Variants in ANO1 observed in about 807,000 individuals in gnomAD.
ANO1 encodes the protein anoctamin 1, also known as anoctamin-1.
In ANO1, 59 loss-of-function variants were observed where a neutral mutation model predicts 124.0. That is an observed-to-expected ratio of 0.48 (90% CI 0.39 to 0.59). The LOEUF (loss-of-function observed/expected upper bound fraction) is 0.59, where lower values mean the gene tolerates loss of function less well. ANO1 is among the 20% of genes least tolerant of loss of function. The pLI is 0.00. For missense variants in ANO1, 1,059 were observed against 1,328.0 expected, an observed-to-expected ratio of 0.80 and a Z score of 3.15; for synonymous variants, 529 against 532.0, an observed-to-expected ratio of 0.99 and a Z score of 0.08.
chr11:69,989,962 T>A (rs1293515628), intron 1 of ANO1, among the ~76,000 whole-genome samples: 1 of 152,236 alleles, frequency 6.6e-6, no homozygotes, highest in Non-Finnish European at 1.5e-5. Flanking sequence ...CTTGTTGTTT[T>A]GTTTTGTTTA....
the ANO1 span, among the ~76,000 whole-genome samples, chr11:69,973,870 TAA>T: frequency 2.1e-5 from 3 of 139,610 alleles, no homozygotes; most frequent in Non-Finnish European, 1.6e-5. Context: ...AGACTCCGTC[TAA>T]AAAAAAAAAA....
intron 11 of ANO1, among the ~76,000 whole-genome samples, chr11:70,140,004 T>C (rs753520959): frequency 3.2e-4 from 48 of 152,332 alleles, no homozygotes; most frequent in Middle Eastern, 3.4e-3. Flanking sequence ...TCCTTCCCTT[T>C]GGGAGCTGCG....
intron 9 of ANO1, 42 bp downstream of exon 9, chr11:70,124,456 C>T (rs376609862): frequency 1.1e-4 from 177 of 1,585,380 alleles, no homozygotes; most frequent in African/African-American, 6.7e-5. Flanking sequence ...GTCCCTACTC[C>T]GATGGCAGTC....
At chr11:70,062,351 A>G (rs1857606593) in intron 1 of ANO1, among the ~76,000 whole-genome samples, 1 of 152,168 alleles carries the variant, frequency 6.6e-6, no homozygotes, top group Non-Finnish European at 1.5e-5. Context: ...TGCTGGGATT[A>G]CAGGCGTGAG....
intron 1 of ANO1, among the ~76,000 whole-genome samples, chr11:70,060,782 A>G (rs1188540886): frequency 6.6e-6 from 1 of 152,192 alleles, no homozygotes; most frequent in Non-Finnish European, 1.5e-5. Context: ...GCAACAGGTC[A>G]TGGGCCTGGG....
chr11:70,186,662 G>A (rs2049140462), intron 25 of ANO1, among the ~76,000 whole-genome samples: 1 of 152,166 alleles, frequency 6.6e-6, no homozygotes, highest in Non-Finnish European at 1.5e-5. Flanking sequence ...GTCCCAGAGA[G>A]GCAGTATCCT....
intron 14 of ANO1, 113 bp downstream of exon 14, chr11:70,153,241 T>C: frequency 2.1e-6 from 2 of 973,508 alleles, no homozygotes; most frequent in Middle Eastern, 2.2e-4. Flanking sequence ...TAACCCCGTG[T>C]TGCGGCTGCT....
At chr11:70,094,173 G>A (rs989452990) in intron 2 of ANO1, among the ~76,000 whole-genome samples, 2 of 152,214 alleles carry the variant, frequency 1.3e-5, no homozygotes, top group Admixed American at 6.5e-5. Context: ...CCCTGCTCCT[G>A]CCAGAGGGGA....
At chr11:70,083,169 C>A (rs1008708911) in intron 1 of ANO1, among the ~76,000 whole-genome samples, 1 of 152,158 alleles carries the variant, frequency 6.6e-6, no homozygotes, top group Non-Finnish European at 1.5e-5. Flanking sequence ...TCTTTATGTG[C>A]GTGTGTCTCA....
At chr11:70,025,055 T>A (rs1321592016) in intron 1 of ANO1, among the ~76,000 whole-genome samples, 1 of 151,898 alleles carries the variant, frequency 6.6e-6, no homozygotes, top group African/African-American at 2.4e-5. Flanking sequence ...GACAAGAAAA[T>A]GAAAATAAAA....
At chr11:70,106,728 A>G (rs1270602363) in intron 5 of ANO1, among the ~76,000 whole-genome samples, 1 of 152,202 alleles carries the variant, frequency 6.6e-6, no homozygotes, top group Non-Finnish European at 1.5e-5. Flanking sequence ...TCAAAATCCA[A>G]CAGCCTGCAG....
At chr11:70,111,661 G>A in intron 6 of ANO1, 46 bp from the exon 7 acceptor site, 2 of 1,597,356 alleles carry the variant, frequency 1.3e-6, no homozygotes, top group Admixed American at 3.3e-5. Context: ...ATGGGAAGCG[G>A]GAGACCCGCC....
intron 1 of ANO1, among the ~76,000 whole-genome samples, chr11:70,004,229 G>T (rs1554999747): frequency 6.6e-6 from 1 of 152,204 alleles, no homozygotes; most frequent in African/African-American, 2.4e-5. Flanking sequence ...CAAGCATCTG[G>T]TCTGTGCTAG....
At chr11:69,987,132 C>T (rs1056608772) in intron 1 of ANO1, among the ~76,000 whole-genome samples, 1 of 152,022 alleles carries the variant, frequency 6.6e-6, no homozygotes, top group Non-Finnish European at 1.5e-5. Context: ...ACACTGTATA[C>T]TCATCAAATT....
In ANO1 at chr11:70,087,889, G is replaced by C; in HGVS notation, c.246G>C (p.Arg82Ser). ...RPSGNRTLVR[R>S]VQHSDTPSGA... ...CGGGCAACCGGACCCTGGTCAGGAGGGTGCAGCACAGCGACACCCCCTCTG... is the reference window on the plus strand; with the variant it reads ...CGGGCAACCGGACCCTGGTCAGGAGCGTGCAGCACAGCGACACCCCCTCTG... Residue 82 changes from arginine (R) to serine (S), a missense_variant, in exon 2 of 26, where the codon AGG becomes AGC. By Grantham distance (110) the Arg-to-Ser change is moderately radical (BLOSUM62 -1). Around this residue, in one of 2 missense-constraint regions of ANO1, gnomAD observed 250 missense variants for 233.1 expected, o/e 1.07. Coordinates refer to ENST00000355303, the MANE Select transcript of ANO1 (RefSeq NM_018043.7). The C allele has an allele frequency of 6.2e-7, 1 of 1,611,964 alleles. No homozygotes were observed. The highest frequency in any genetic ancestry group is 2.2e-5 in the East Asian group (1 of 44,810).
At chr11:69,972,232 C>T in the ANO1 span, among the ~76,000 whole-genome samples, 1 of 148,914 alleles carries the variant, frequency 6.7e-6, no homozygotes, top group African/African-American at 2.5e-5. Context: ...TCAGAGAAAC[C>T]AGTATGCCAG....
chr11:70,042,430 G>C (rs1555005150), intron 1 of ANO1, among the ~76,000 whole-genome samples: 1 of 152,192 alleles, frequency 6.6e-6, no homozygotes, highest in Non-Finnish European at 1.5e-5. Flanking sequence ...AAAAGTTAAA[G>C]TGTGTGAATC....
chr11:70,072,803 T>C (rs1857905809), intron 1 of ANO1: 1 of 152,406 alleles, frequency 6.6e-6, no homozygotes, highest in Non-Finnish European at 1.5e-5. Flanking sequence ...CATGGGGTTC[T>C]TGTACTCTCA....
At chr11:70,007,238 T>C (rs1856508813) in intron 1 of ANO1, among the ~76,000 whole-genome samples, 1 of 151,560 alleles carries the variant, frequency 6.6e-6, no homozygotes, top group Non-Finnish European at 1.5e-5. Context: ...CAAAGTTCAT[T>C]CAACTGGTAG....
Sources: allele counts gnomAD v4.1 joint callset (sites outside exome capture counted in the v4.1 genomes callset), GRCh38; gene constraint gnomAD v4.1.1; regional missense constraint gnomAD v4.1.1; transcripts MANE v1.5; gene names NCBI Gene and HGNC (gene_info 2026-07-23, HGNC 2026-07-21).